MAP2: variants seen among roughly 807,000 people sequenced by gnomAD.
The protein encoded by MAP2 is microtubule associated protein 2.
MAP2 carries 14 observed loss-of-function variants against 137.6 expected under a neutral mutation model. The observed-to-expected ratio is 0.10, with a 90% confidence interval of 0.07 to 0.16. The LOEUF is 0.16. MAP2 is among the 10% of genes least tolerant of loss of function. MAP2 has a pLI of 1.00. For synonymous variants in MAP2, 786 were observed against 782.3 expected, an observed-to-expected ratio of 1.00 and a Z score of -0.08; for missense variants, 2,088 against 2,191.5, an observed-to-expected ratio of 0.95 and a Z score of 0.94.
chr2:209,532,054 T>G (rs947974838), intron 2 of MAP2, among the ~76,000 whole-genome samples: 3 of 151,746 alleles, frequency 2.0e-5, no homozygotes, highest in Non-Finnish European at 2.9e-5. Context: ...GCTTGGGCAA[T>G]ATAGTGAGAC....
At chr2:209,705,769 A>G in intron 12 of MAP2, 42 bp downstream of exon 12, 1 of 1,557,284 alleles carries the variant, frequency 6.4e-7, no homozygotes, top group East Asian at 2.3e-5. Context: ...AGCACTTTTT[A>G]AATCCTTTAA....
intron 5 of MAP2, among the ~76,000 whole-genome samples, chr2:209,664,002 T>G (rs1007410840): frequency 1.3e-5 from 2 of 152,232 alleles, no homozygotes. Context: ...AGAGCTGTTG[T>G]TGATTTTATT....
intron 2 of MAP2, among the ~76,000 whole-genome samples, chr2:209,540,336 T>C (rs2066728266): frequency 6.6e-6 from 1 of 151,520 alleles, no homozygotes; most frequent in Admixed American, 6.6e-5. Context: ...AAAAAATTAA[T>C]GAAAATCACA....
At chr2:209,554,097 G>C (rs954412620) in intron 2 of MAP2, among the ~76,000 whole-genome samples, 3 of 152,144 alleles carry the variant, frequency 2.0e-5, no homozygotes, top group Non-Finnish European at 2.9e-5. Context: ...GAGAATGAAG[G>C]CATGACAGAA....
At chr2:209,718,314 C>A (rs866300223) in intron 13 of MAP2, among the ~76,000 whole-genome samples, 1 of 152,252 alleles carries the variant, frequency 6.6e-6, no homozygotes, top group Middle Eastern at 3.4e-3. Flanking sequence ...GATAACTGAG[C>A]AGACTATTTA....
At chr2:209,567,752 TTAA>T (rs1304401303) in intron 2 of MAP2, among the ~76,000 whole-genome samples, 1 of 152,078 alleles carries the variant, frequency 6.6e-6, no homozygotes, top group Non-Finnish European at 1.5e-5. Context: ...TCTCGCCAAC[TTAA>T]TGATAATGTT....
chr2:209,495,393 G>A (rs2059627271), intron 1 of MAP2, among the ~76,000 whole-genome samples: 1 of 152,368 alleles, frequency 6.6e-6, no homozygotes, highest in Middle Eastern at 3.4e-3. Flanking sequence ...ATAACGGGGA[G>A]ATACCTCCCA....
intron 3 of MAP2, among the ~76,000 whole-genome samples, chr2:209,616,135 C>T (rs2089265570): frequency 1.3e-5 from 2 of 152,140 alleles, no homozygotes; most frequent in Admixed American, 1.3e-4. Context: ...TACAAGAGCT[C>T]GGGAACCACC....
At position 209,528,923 on chromosome 2, in the gene MAP2, CAT is replaced by C. The variant is rs200742253; in HGVS notation, c.-172+21290_-172+21291del. ...ATATACACACATATATACACACATA[CAT>C]ATATATACATACATATGTACATATA... On this transcript the variant is annotated intron_variant, in intron 2 of 15. Transcript: ENST00000682079. 9.3e-3 allele frequency among the ~76,000 whole-genome samples: 1,259 copies of C among 135,472 alleles called. 19 individuals carry two copies. Among genetic ancestry groups the C allele is most frequent in the African/African-American group, 0.034 (1,216 of 36,128 alleles). 88.9% of individuals were successfully genotyped at this position (135,472 alleles called of 152,430 possible).
intron 1 of MAP2, among the ~76,000 whole-genome samples, chr2:209,465,854 A>G (rs1397388406): frequency 6.6e-5 from 10 of 152,140 alleles, no homozygotes; most frequent in Admixed American, 6.5e-4. Flanking sequence ...AATGGGCTGT[A>G]CTTCATTTTC....
At chr2:209,638,291 T>C in intron 4 of MAP2, among the ~76,000 whole-genome samples, 1 of 152,112 alleles carries the variant, frequency 6.6e-6, no homozygotes, top group East Asian at 1.9e-4. Flanking sequence ...TGAAGGCTGA[T>C]CCAGTTGGAT....
chr2:209,590,809 A>C (rs2079050540), intron 3 of MAP2, among the ~76,000 whole-genome samples: 1 of 152,122 alleles, frequency 6.6e-6, no homozygotes, highest in African/African-American at 2.4e-5. Flanking sequence ...ACCTTCACCC[A>C]GGCATCCTAG....
intron 1 of MAP2, among the ~76,000 whole-genome samples, chr2:209,458,949 A>G (rs1702145566): frequency 6.6e-6 from 1 of 152,228 alleles, no homozygotes; most frequent in African/African-American, 2.4e-5. Context: ...CATGATTTAT[A>G]ATACATGTAA....
chr2:209,660,324 T>C, intron 5 of MAP2, among the ~76,000 whole-genome samples: 1 of 150,052 alleles, frequency 6.7e-6, no homozygotes. Context: ...TACTATCACA[T>C]CCACATAACT....
At chr2:209,689,542 T>G (rs1235988991) in intron 7 of MAP2, among the ~76,000 whole-genome samples, 1 of 152,136 alleles carries the variant, frequency 6.6e-6, no homozygotes, top group Non-Finnish European at 1.5e-5. Context: ...ACATTTCAAG[T>G]GTAAATGAGA....
chr2:209,516,377 G>T (rs1431741699), intron 2 of MAP2, among the ~76,000 whole-genome samples: 1 of 152,040 alleles, frequency 6.6e-6, no homozygotes, highest in Non-Finnish European at 1.5e-5. Flanking sequence ...TTCTATTAGT[G>T]TTCTGTCAGA....
At chr2:209,634,979 G>A (rs779672537) in intron 4 of MAP2, among the ~76,000 whole-genome samples, 3 of 151,924 alleles carry the variant, frequency 2.0e-5, no homozygotes, top group Non-Finnish European at 4.4e-5. Flanking sequence ...CTGTAGTCCC[G>A]GCTACTTGGG....
chr2:209,609,082 C>T (rs2085856459), intron 3 of MAP2, among the ~76,000 whole-genome samples: 1 of 151,950 alleles, frequency 6.6e-6, no homozygotes, highest in Non-Finnish European at 1.5e-5. Context: ...ATATAAGCTT[C>T]TTGAAATCAG....
At chr2:209,573,511 T>C (rs140544606) in intron 2 of MAP2, among the ~76,000 whole-genome samples, 2,973 of 151,808 alleles carry the variant, frequency 0.02, 90 homozygotes, top group African/African-American at 0.068. Context: ...CCAGGCTGGT[T>C]TCGAACTCCT....
Sources: gnomAD v4.1 joint callset for allele counts (sites outside exome capture counted in the v4.1 genomes callset) on GRCh38, gnomAD v4.1.1 for gene constraint, MANE v1.5 for transcripts, NCBI Gene and HGNC (gene_info 2026-07-23, HGNC 2026-07-21) for gene names.